CACNA1C: variants seen among roughly 807,000 people sequenced by gnomAD.
CACNA1C encodes the protein calcium voltage-gated channel subunit alpha1 C, also known as voltage-dependent L-type calcium channel subunit alpha-1C.
A neutral mutation model predicts 229.0 loss-of-function variants in CACNA1C; 30 were observed. That is an observed-to-expected ratio of 0.13 (90% confidence interval 0.10 to 0.18). CACNA1C has a LOEUF of 0.18. Ranked by LOEUF, CACNA1C falls within the 10% of genes least tolerant of loss-of-function variation. The pLI, the probability that CACNA1C is intolerant of heterozygous loss-of-function variation, is 1.00. For synonymous variants in CACNA1C, 1,114 were observed against 1,132.5 expected (o/e 0.98, Z 0.33); for missense variants, 1,658 against 2,845.0 (o/e 0.58, Z 9.49).
At chr12:2,572,794 CCTCCTCTCCTCCTT>C (rs1396925937) in intron 13 of CACNA1C, among the ~76,000 whole-genome samples, 31 of 134,678 alleles carry the variant, frequency 2.3e-4, no homozygotes, top group African/African-American at 8.1e-4. Flanking sequence ...TCCTCCTCCT[CCTCCTCTCCTCCTT>C]CTCCTCTCCT....
chr12:2,071,348 G>T (rs955878596), intron 1 of CACNA1C, among the ~76,000 whole-genome samples: 7 of 151,218 alleles, frequency 4.6e-5, no homozygotes, highest in Non-Finnish European at 7.4e-5. Context: ...CTCCTGAGTA[G>T]CTGGGACTGG....
At chr12:2,049,307 A>G (rs2051675326), upstream of CACNA1C, 9 of 152,216 alleles carry the variant, frequency 5.9e-5, no homozygotes, top group South Asian at 1.9e-3. Flanking sequence ...TGTGGATAAA[A>G]GCAATTCCTT....
intron 3 of CACNA1C, among the ~76,000 whole-genome samples, chr12:2,248,062 GTA>G (rs1290235425): frequency 6.6e-6 from 1 of 152,158 alleles, no homozygotes; most frequent in Non-Finnish European, 1.5e-5. Context: ...TAAGTTCTAT[GTA>G]TATATGTGTG....
intron 2 of CACNA1C, among the ~76,000 whole-genome samples, chr12:2,118,603 C>G (rs2085085458): frequency 6.6e-6 from 1 of 152,246 alleles, no homozygotes; most frequent in South Asian, 2.1e-4. Context: ...CACAAGCGTA[C>G]ATTCCACACA....
chr12:2,244,885 T>G (rs140803954), intron 3 of CACNA1C, among the ~76,000 whole-genome samples: 1,700 of 152,338 alleles, frequency 0.011, 26 homozygotes, highest in African/African-American at 0.039. Flanking sequence ...AAGACTTTAC[T>G]TTTATCAACA....
intron 1 of CACNA1C, among the ~76,000 whole-genome samples, chr12:2,070,753 T>C (rs2060871787): frequency 6.6e-6 from 1 of 152,226 alleles, no homozygotes; most frequent in South Asian, 2.1e-4. Context: ...TGGGAGTTGG[T>C]GAGATACTTC....
chr12:2,243,385 C>T (rs2071465189), intron 3 of CACNA1C, among the ~76,000 whole-genome samples: 1 of 152,152 alleles, frequency 6.6e-6, no homozygotes, highest in African/African-American at 2.4e-5. Flanking sequence ...GAAACCAAAG[C>T]TGGGCTGTGC....
intron 1 of CACNA1C, among the ~76,000 whole-genome samples, chr12:1,979,428 T>C (rs2035457245): frequency 6.6e-6 from 1 of 152,062 alleles, no homozygotes; most frequent in African/African-American, 2.4e-5. Flanking sequence ...GATCCTGCCT[T>C]GGCCTCCCCA....
Position 2,597,481 on chromosome 12 carries a change from A to G in CACNA1C, c.2853+192A>G. The G allele has an allele frequency of 6.2e-7, 1 of 1,605,574 alleles. No homozygotes were observed. Among genetic ancestry groups the G allele is most frequent in the Non-Finnish European group, 8.5e-7 (1 of 1,172,246 alleles). On this transcript the variant is annotated intron_variant, in intron 21 of 46. Coordinates refer to ENST00000399655, the MANE Select transcript of CACNA1C (RefSeq NM_000719.7). This position sits in a 1 kb window ranked among gnomAD's most constrained non-coding sequence, Gnocchi z 4.3. ...ATGTCTTCACTAGTATCTTTACATT[A>G]GAAATTATCCTTAAGGTAATGCAAC...
intron 3 of CACNA1C, among the ~76,000 whole-genome samples, chr12:2,299,773 T>C (rs1307837460): frequency 6.6e-6 from 1 of 152,150 alleles, no homozygotes; most frequent in African/African-American, 2.4e-5. Context: ...CTTTTGGTCA[T>C]CTGATGGCCC....
chr12:2,434,875 C>A (rs944013347), intron 3 of CACNA1C, among the ~76,000 whole-genome samples: 1 of 152,196 alleles, frequency 6.6e-6, no homozygotes, highest in Non-Finnish European at 1.5e-5. Flanking sequence ...CAGAGGTCTC[C>A]CCACTTCAGT....
chr12:2,115,891 G>GGCCC (rs2083635546), intron 2 of CACNA1C, among the ~76,000 whole-genome samples: 1 of 152,234 alleles, frequency 6.6e-6, no homozygotes, highest in Non-Finnish European at 1.5e-5. Flanking sequence ...CTTGCCCAGG[G>GGCCC]GCCCACTCAT....
At chr12:2,465,250 A>ATT (rs1214550462) in intron 5 of CACNA1C, among the ~76,000 whole-genome samples, 2 of 152,248 alleles carry the variant, frequency 1.3e-5, no homozygotes, top group Admixed American at 1.3e-4. Flanking sequence ...TTAAAAGATA[A>ATT]GGAATATTCA....
intron 3 of CACNA1C, among the ~76,000 whole-genome samples, chr12:2,418,256 C>T (rs961086736): frequency 6.6e-6 from 1 of 152,206 alleles, no homozygotes; most frequent in Admixed American, 6.5e-5. Context: ...CCACCTCCCA[C>T]CTCTTTTGCC....
chr12:2,375,563 A>T (rs1207359586), intron 3 of CACNA1C, among the ~76,000 whole-genome samples: 2 of 152,120 alleles, frequency 1.3e-5, no homozygotes, highest in Admixed American at 6.5e-5. Context: ...TGATGATCAG[A>T]TGTTTCTTTT....
intron 3 of CACNA1C, among the ~76,000 whole-genome samples, chr12:2,199,751 C>T (rs2154316203): frequency 6.6e-6 from 1 of 152,240 alleles, no homozygotes; most frequent in South Asian, 2.1e-4. Flanking sequence ...CATGGGTTAC[C>T]ACCACAGAGA....
intron 3 of CACNA1C, among the ~76,000 whole-genome samples, chr12:2,356,824 C>A (rs1446215975): frequency 6.6e-6 from 1 of 152,260 alleles, no homozygotes; most frequent in African/African-American, 2.4e-5. Context: ...CCCCTCCCCT[C>A]CACCTGCATT....
intron 3 of CACNA1C, among the ~76,000 whole-genome samples, chr12:2,177,233 C>T (rs543988729): frequency 8.1e-4 from 123 of 152,136 alleles, no homozygotes; most frequent in Non-Finnish European, 1.5e-3. Flanking sequence ...GGAGAGGGGA[C>T]GATACAAGCC....
intron 3 of CACNA1C, among the ~76,000 whole-genome samples, chr12:2,351,085 A>G (rs1487474223): frequency 3.3e-5 from 5 of 152,320 alleles, no homozygotes; most frequent in Non-Finnish European, 7.3e-5. Context: ...AGATACTCTA[A>G]TGGAAGTTTC....
Sources: allele counts gnomAD v4.1 joint callset (sites outside exome capture counted in the v4.1 genomes callset), GRCh38; gene constraint gnomAD v4.1.1; non-coding constraint Gnocchi (gnomAD v3.1); transcripts MANE v1.5; gene names NCBI Gene and HGNC (gene_info 2026-07-23, HGNC 2026-07-21).